The following ERI3 variants were observed in gnomAD, a reference collection of about 807,000 sequenced individuals.
The protein encoded by ERI3 is ERI1 exoribonuclease 3.
ERI3 carries 18 observed loss-of-function variants against 44.4 expected under a neutral mutation model. The ratio of observed to expected loss-of-function variants is 0.41; its 90% CI spans 0.28 to 0.60. ERI3 has a LOEUF of 0.60. ERI3 is among the 20% of genes least tolerant of loss of function. ERI3 has a pLI of 0.36. For synonymous variants in ERI3, 183 were observed against 164.8 expected (o/e 1.11, Z -0.84); for missense variants, 294 against 435.5 (o/e 0.68, Z 2.89).
chr1:44,228,226 A>C lies in ERI3; in HGVS notation c.932-6586T>G, dbSNP rs1273781288. 6.6e-6 allele frequency among the ~76,000 whole-genome samples: 1 copy of C among 151,824 alleles called. No individual in the cohort carries two copies. Among genetic ancestry groups the C allele is most frequent in the Non-Finnish European group, 1.5e-5 (1 of 67,960 alleles). Reference sequence around the variant, plus strand: ...CCACTCCAAAGTGACCCCTTCTTTCAGCCCCTCCCCTCAGCCCCCTCCACC... The same window carrying C: ...CCACTCCAAAGTGACCCCTTCTTTCCGCCCCTCCCCTCAGCCCCCTCCACC... On this transcript the variant is annotated intron_variant, in intron 8 of 8. Transcript: ENST00000372257. The surrounding 1 kb of genome is among the most constrained non-coding windows in gnomAD (Gnocchi z 4.3).
intron 2 of ERI3, among the ~76,000 whole-genome samples, chr1:44,344,482 A>G (rs759030913): frequency 1.0e-3 from 152 of 152,122 alleles, no homozygotes; most frequent in Admixed American, 2.7e-3. Flanking sequence ...GCCCCTACTC[A>G]ATGCCCACTT....
chr1:44,243,443 C>G (rs1170886325), intron 8 of ERI3: 1 of 152,260 alleles, frequency 6.6e-6, no homozygotes, highest in Admixed American at 6.5e-5. Flanking sequence ...GGAAGGAGGT[C>G]CAGGCCCTGC....
At chr1:44,249,577 C>G (rs1644632013) in intron 7 of ERI3, among the ~76,000 whole-genome samples, 1 of 152,200 alleles carries the variant, frequency 6.6e-6, no homozygotes. Flanking sequence ...TCTCCTTGAC[C>G]GCAGAGGTAC....
intron 2 of ERI3, among the ~76,000 whole-genome samples, chr1:44,345,405 A>G (rs539190828): frequency 6.6e-5 from 10 of 152,306 alleles, no homozygotes; most frequent in African/African-American, 2.4e-4. Flanking sequence ...CATTCCATTA[A>G]AAGCCAGACT....
intron 7 of ERI3, among the ~76,000 whole-genome samples, chr1:44,258,754 C>T (rs1322363833): frequency 6.6e-6 from 1 of 152,082 alleles, no homozygotes; most frequent in Admixed American, 6.5e-5. Flanking sequence ...GAGACAGAAT[C>T]CTAAGAAGCA....
intron 4 of ERI3, among the ~76,000 whole-genome samples, chr1:44,316,336 G>A (rs1002361513): frequency 2.0e-5 from 3 of 152,148 alleles, no homozygotes; most frequent in African/African-American, 7.2e-5. Context: ...GTGCTCTGTG[G>A]CTCCTTTCAA....
intron 2 of ERI3, 140 bp downstream of exon 2, chr1:44,352,710 C>T (rs759606114): frequency 1.5e-4 from 136 of 882,852 alleles, no homozygotes; most frequent in Non-Finnish European, 1.8e-4. Context: ...GAAGAAGCTA[C>T]AAAAAAATAT....
intron 3 of ERI3, among the ~76,000 whole-genome samples, chr1:44,321,852 G>A (rs953466030): frequency 6.6e-6 from 1 of 152,170 alleles, no homozygotes; most frequent in African/African-American, 2.4e-5. Flanking sequence ...AGTGTTTGGA[G>A]ACCTACAGTT....
intron 8 of ERI3, among the ~76,000 whole-genome samples, chr1:44,232,975 G>C (rs1644220825): frequency 1.3e-5 from 2 of 152,158 alleles, no homozygotes; most frequent in South Asian, 4.1e-4. Flanking sequence ...CATCATTTCA[G>C]TCTTTTTCTT....
intron 6 of ERI3, among the ~76,000 whole-genome samples, chr1:44,295,169 G>C (rs748769462): frequency 6.6e-6 from 1 of 152,142 alleles, no homozygotes; most frequent in Non-Finnish European, 1.5e-5. Context: ...AGGAACATCA[G>C]GCTACTTCAT....
At chr1:44,264,263 A>G (rs1644946773) in intron 7 of ERI3, among the ~76,000 whole-genome samples, 1 of 152,220 alleles carries the variant, frequency 6.6e-6, no homozygotes, top group Non-Finnish European at 1.5e-5. Context: ...TGAATCTCCA[A>G]TAGTCCAGGT....
At chr1:44,318,655 C>CCCA (rs754952597) in intron 4 of ERI3, among the ~76,000 whole-genome samples, 122 of 152,332 alleles carry the variant, frequency 8.0e-4, no homozygotes, top group Non-Finnish European at 1.4e-3. Flanking sequence ...AGCCTCAGGG[C>CCCA]CCACCAGGGT....
At chr1:44,237,302 C>A (rs1277862866) in intron 8 of ERI3, among the ~76,000 whole-genome samples, 1 of 152,220 alleles carries the variant, frequency 6.6e-6, no homozygotes, top group Non-Finnish European at 1.5e-5. Context: ...AAGACCTCAG[C>A]AAACATTTTC....
At chr1:44,354,806 G>C (rs917590970) in intron 1 of ERI3, 86 bp downstream of exon 1, 2 of 1,301,150 alleles carry the variant, frequency 1.5e-6, no homozygotes, top group African/African-American at 1.5e-5. Flanking sequence ...AGCACCCCAG[G>C]TTGCATAAAT....
At chr1:44,242,872 C>G (rs936481791) in intron 8 of ERI3, among the ~76,000 whole-genome samples, 1 of 152,190 alleles carries the variant, frequency 6.6e-6, no homozygotes, top group Non-Finnish European at 1.5e-5. Context: ...TTAGCCAGCA[C>G]CCCCCGCACC....
At chr1:44,224,296 A>G (rs1643981164) in intron 8 of ERI3, among the ~76,000 whole-genome samples, 1 of 152,188 alleles carries the variant, frequency 6.6e-6, no homozygotes, top group African/African-American at 2.4e-5. Context: ...AGTCTACACC[A>G]GTAATATGTC....
At chr1:44,275,351 C>T (rs1306690295) in intron 7 of ERI3, among the ~76,000 whole-genome samples, 2 of 152,176 alleles carry the variant, frequency 1.3e-5, no homozygotes, top group Admixed American at 1.3e-4. Flanking sequence ...CAGCTCAGCC[C>T]ACTTGCTGAA....
In ERI3 at chr1:44,338,911, T is replaced by C. The variant is rs543757652; in HGVS notation, c.489+134A>G. The C allele has an allele frequency of 1.0e-4, 116 of 1,127,532 alleles. No individual in the cohort carries two copies. In the African/African-American group the frequency reaches 1.6e-3, roughly 16 times the overall value. The allele number at this position is 1,127,532 out of a possible 1,614,324, so 69.8% of individuals were successfully genotyped here. A position where few individuals can be genotyped will look rare whatever the true frequency, so the allele number is the denominator to read the frequency against. ...CATACCTGAAACAAGTCCTGCTTCC[T>C]AGACAGGAACTCTAAATGAGTAGCT... On this transcript the variant is annotated intron_variant, in intron 3 of 8. Coordinates refer to ENST00000372257, the MANE Select transcript of ERI3 (RefSeq NM_024066.3).
intron 5 of ERI3, among the ~76,000 whole-genome samples, chr1:44,310,673 C>T (rs1645935795): frequency 6.6e-6 from 1 of 152,100 alleles, no homozygotes; most frequent in East Asian, 1.9e-4. Context: ...CCCTGGATAC[C>T]TCTGAGATGC....
Sources: gnomAD v4.1 joint callset for allele counts (sites outside exome capture counted in the v4.1 genomes callset) on GRCh38, gnomAD v4.1.1 for gene constraint, Gnocchi (gnomAD v3.1) non-coding constraint, MANE v1.5 for transcripts, NCBI Gene and HGNC (gene_info 2026-07-23, HGNC 2026-07-21) for gene names.